The following SERPINE2 variants were observed in gnomAD, a reference collection of about 807,000 sequenced individuals.
The protein encoded by SERPINE2 is serpin family E member 2, also known as glia-derived nexin.
In SERPINE2, 14 loss-of-function variants were observed where a neutral mutation model predicts 36.3. The observed-to-expected ratio is 0.39, with a 90% CI of 0.25 to 0.60. The LOEUF (loss-of-function observed/expected upper bound fraction) is 0.60. SERPINE2 is among the 20% of genes least tolerant of loss of function. The pLI is 0.57. For synonymous variants in SERPINE2, 192 were observed against 191.8 expected, an observed-to-expected ratio of 1.00 and a Z score of -0.01; for missense variants, 418 against 499.6, an observed-to-expected ratio of 0.84 and a Z score of 1.56.
intron 1 of SERPINE2, among the ~76,000 whole-genome samples, chr2:224,036,103 C>T (rs863957): frequency 0.64 from 96,479 of 151,928 alleles, 30,947 homozygotes; most frequent in South Asian, 0.71. Context: ...CTAAAGGGCA[C>T]GGGTAAGCGC....
intron 4 of SERPINE2, among the ~76,000 whole-genome samples, chr2:223,985,676 G>A (rs1690400081): frequency 6.6e-6 from 1 of 152,184 alleles, no homozygotes; most frequent in Non-Finnish European, 1.5e-5. Flanking sequence ...TTTTGCAGTT[G>A]AGAAAGCCAC....
chr2:224,003,298 A>G (rs781625185), intron 1 of SERPINE2, among the ~76,000 whole-genome samples: 1 of 152,180 alleles, frequency 6.6e-6, no homozygotes, highest in Non-Finnish European at 1.5e-5. Context: ...CAGATCTGGT[A>G]AGGTCCTGTA....
intron 4 of SERPINE2, among the ~76,000 whole-genome samples, chr2:223,987,393 A>C (rs940442190): frequency 6.6e-6 from 1 of 152,136 alleles, no homozygotes; most frequent in African/African-American, 2.4e-5. Context: ...AGCAGAATGA[A>C]TCAAGTAAGG....
At chr2:224,015,059 G>T (rs577825397) in intron 1 of SERPINE2, among the ~76,000 whole-genome samples, 26 of 151,986 alleles carry the variant, frequency 1.7e-4, no homozygotes, top group Admixed American at 1.3e-4. Flanking sequence ...GGGCCAGGGA[G>T]GGTGGTGCCG....
chr2:223,984,429 G>A (rs1240650927), intron 5 of SERPINE2, among the ~76,000 whole-genome samples: 2 of 151,440 alleles, frequency 1.3e-5, no homozygotes, highest in Non-Finnish European at 2.9e-5. Context: ...GATGACACAC[G>A]TGTGTTTTCA....
Position 224,001,638 on chromosome 2 carries a change from G to A in SERPINE2, c.259+4C>T, listed in dbSNP as rs1480313201. 3.1e-6 allele frequency: 5 copies of A among 1,611,106 alleles called. No individual in the cohort carries two copies. The highest frequency in any genetic ancestry group is 1.7e-4 in the Middle Eastern group (1 of 5,974). ...TCCGCCAGTGAGCAATTGTGCACAC[G>A]CACCATTTACGCCGTATCTCATCAC... On this transcript the variant is annotated splice_donor_region_variant and intron_variant, in intron 2 of 8. Coordinates refer to ENST00000409304, the MANE Select transcript of SERPINE2 (RefSeq NM_001136528.2).
intron 1 of SERPINE2, among the ~76,000 whole-genome samples, chr2:224,035,098 G>A (rs1188761222): frequency 1.5e-5 from 2 of 131,004 alleles, no homozygotes; most frequent in African/African-American, 5.5e-5. Flanking sequence ...CAGGAGGAAA[G>A]TCACACCAGC....
intron 1 of SERPINE2, among the ~76,000 whole-genome samples, chr2:224,038,260 C>G (rs888314412): frequency 6.6e-6 from 1 of 152,106 alleles, no homozygotes; most frequent in East Asian, 1.9e-4. Flanking sequence ...AGAACGTCCC[C>G]TGCAAAGTAG....
chr2:223,977,483 G>A lies in SERPINE2; in HGVS notation c.1156+61C>T. ...GCACCACTGTTGGATATAATGAAGA[G>A]TGCAATATACCTTTTGAAATTCTAA... On this transcript the variant is annotated intron_variant, in intron 8 of 8. Transcript: ENST00000409304. 11 of 1,050,050 alleles carry A rather than the reference G, an allele frequency of 1.0e-5. 1 individual carries two copies. In the South Asian group the frequency reaches 1.4e-4, roughly 13 times the overall value. 65.0% of individuals were successfully genotyped at this position (1,050,050 alleles called of 1,614,324 possible).
chr2:223,982,460 T>C (rs1418641197), intron 6 of SERPINE2: 1 of 412,104 alleles, frequency 2.4e-6, no homozygotes, highest in Non-Finnish European at 4.4e-6. Flanking sequence ...ACCACTTGTA[T>C]CCCAAAAACT....
At chr2:224,032,140 T>C (rs1294997184) in intron 1 of SERPINE2, among the ~76,000 whole-genome samples, 1 of 152,216 alleles carries the variant, frequency 6.6e-6, no homozygotes, top group African/African-American at 2.4e-5. Context: ...CTTGAGTGGA[T>C]TTCTTATTTA....
chr2:224,031,095 C>T, intron 1 of SERPINE2: 1 of 985,384 alleles, frequency 1.0e-6, no homozygotes, highest in East Asian at 1.1e-4. Context: ...AATTTCTTCT[C>T]AAGAAGGTAT....
At chr2:223,992,114 T>C (rs1006840718) in intron 3 of SERPINE2, 114 bp from the exon 4 acceptor site, 2 of 874,894 alleles carry the variant, frequency 2.3e-6, no homozygotes, top group Non-Finnish European at 3.7e-6. Flanking sequence ...TTTTAAGGAG[T>C]GTTAAAGAGA....
intron 1 of SERPINE2, among the ~76,000 whole-genome samples, chr2:224,029,469 G>T (rs946991590): frequency 6.6e-6 from 1 of 152,192 alleles, no homozygotes; most frequent in Admixed American, 6.5e-5. Flanking sequence ...GAACTCTTTT[G>T]CATATTGACG....
At chr2:224,022,557 T>C (rs1163345088) in intron 1 of SERPINE2, among the ~76,000 whole-genome samples, 1 of 152,186 alleles carries the variant, frequency 6.6e-6, no homozygotes, top group African/African-American at 2.4e-5. Context: ...TATCTGACAT[T>C]ACAAAATTAG....
intron 1 of SERPINE2, among the ~76,000 whole-genome samples, chr2:224,020,177 G>A (rs945474765): frequency 1.3e-5 from 2 of 152,120 alleles, no homozygotes; most frequent in African/African-American, 4.8e-5. Context: ...CAAATCCCTA[G>A]TAATATTTAT....
chr2:224,002,650 G>A (rs777491343), intron 1 of SERPINE2, among the ~76,000 whole-genome samples: 19 of 141,542 alleles, frequency 1.3e-4, no homozygotes, highest in South Asian at 2.4e-4. Context: ...GCGCCAACTC[G>A]TCTGGCAATT....
intron 1 of SERPINE2, among the ~76,000 whole-genome samples, chr2:224,002,294 C>G (rs971985305): frequency 1.5e-5 from 1 of 66,982 alleles, no homozygotes; most frequent in African/African-American, 5.6e-5. Flanking sequence ...CCATTTTGTA[C>G]TCACCTAGTA....
intron 1 of SERPINE2, among the ~76,000 whole-genome samples, chr2:224,028,092 G>T (rs978189715): frequency 6.6e-6 from 1 of 152,232 alleles, no homozygotes; most frequent in South Asian, 2.1e-4. Context: ...GCCGCTAAGG[G>T]CTAACCAAGG....
Sources: allele counts gnomAD v4.1 joint callset (sites outside exome capture counted in the v4.1 genomes callset), GRCh38; gene constraint gnomAD v4.1.1; transcripts MANE v1.5; gene names NCBI Gene and HGNC (gene_info 2026-07-23, HGNC 2026-07-21).